The following TXNDC11 variants were observed in gnomAD, a reference collection of about 807,000 sequenced individuals.
TXNDC11 encodes the protein thioredoxin domain containing 11.
TXNDC11 carries 68 observed loss-of-function variants against 78.0 expected under a neutral mutation model. The ratio of observed to expected loss-of-function variants is 0.87; its 90% CI spans 0.72 to 1.07. The LOEUF is 1.07. Ranked by LOEUF, TXNDC11 falls within the 50% of genes least tolerant of loss-of-function variation. The probability of loss-of-function intolerance (pLI) is 0.00; values close to 1 mark genes in which losing one functional copy is unlikely to be tolerated. For synonymous variants in TXNDC11, 571 were observed against 495.2 expected (o/e 1.15, Z -2.03); for missense variants, 1,389 against 1,221.8 (o/e 1.14, Z -2.04).
Position 11,721,633 on chromosome 16 carries a change from G to A in TXNDC11, c.737C>T (p.Pro246Leu), listed in dbSNP as rs140205766. The A allele has an allele frequency of 1.9e-5, 31 of 1,612,466 alleles. No individual in the cohort carries two copies. The African/African-American group carries it at 3.7e-4, about 19-fold the overall frequency. Reference protein sequence around the residue: ...VLGYFEFSGSPQPPGYLTFFT... With the variant: ...VLGYFEFSGSLQPPGYLTFFT... ...GAAGGTCAAATAACCAGGAGGCTGGGGTGAGCCACTGAACTCAAAGTACCC... is the reference window on the plus strand; with the variant it reads ...GAAGGTCAAATAACCAGGAGGCTGGAGTGAGCCACTGAACTCAAAGTACCC... Residue 246 changes from proline (P) to leucine (L), a missense_variant, in exon 5 of 12, where the codon CCC becomes CTC. Physicochemically the swap from Pro to Leu is moderately conservative, Grantham distance 98. Transcript: ENST00000283033.
intron 4 of TXNDC11, among the ~76,000 whole-genome samples, chr16:11,722,171 T>C (rs2141090836): frequency 6.6e-6 from 1 of 152,298 alleles, no homozygotes; most frequent in African/African-American, 2.4e-5. Flanking sequence ...TCTTCACCTG[T>C]AATCAAGCCC....
At chr16:11,706,691 T>TCC (rs953838714) in intron 5 of TXNDC11, among the ~76,000 whole-genome samples, 11 of 152,164 alleles carry the variant, frequency 7.2e-5, no homozygotes, top group African/African-American at 2.7e-4. Context: ...TTCTTGTGCC[T>TCC]CCCGTGCACC....
At position 11,679,311 on chromosome 16, in the gene TXNDC11, G is replaced by T; in HGVS notation, c.2761C>A (p.His921Asn). The change falls in exon 12 of 12, where the codon CAC becomes AAC. Residue 921 changes from histidine (H) to asparagine (N), a missense_variant. Transcript: ENST00000283033. The surrounding 1 kb of genome is among the most constrained non-coding windows in gnomAD (Gnocchi z 4.6). ...GCTGAGGGCTCAGGCTGCTTGGGGT[G>T]GACCTCTCTCTGGGCCGCCAGGCTT... ...AESLAAQREV[H>N]PKQPEPSATP... is the part of the protein sequence containing the mutation. 6.2e-7 allele frequency: 1 copy of T among 1,612,758 alleles called. No homozygotes were observed. Among genetic ancestry groups the T allele is most frequent in the Non-Finnish European group, 8.5e-7 (1 of 1,179,810 alleles).
At chr16:11,701,105 G>C (rs1456900402) in intron 5 of TXNDC11, among the ~76,000 whole-genome samples, 3 of 136,540 alleles carry the variant, frequency 2.2e-5, no homozygotes, top group African/African-American at 8.1e-5. Flanking sequence ...CATTTATTTA[G>C]ATTTCCTTTG....
rs2050743300 is a variant in TXNDC11, at chr16:11,692,278, T to A, written c.1108-196A>T. ...CGCTCTGAGTAGTGTGATGAAATTT[T>A]TGCCATTACAAAAACTGCGAGCCAT... is the stretch of plus-strand genomic sequence containing the variant. On this transcript the variant is annotated intron_variant, in intron 7 of 11. Transcript: ENST00000283033. 7.7e-6 allele frequency: 4 copies of A among 520,210 alleles called. No individual in the cohort carries two copies. In the East Asian group the frequency reaches 1.2e-4, roughly 16 times the overall value. 32.2% of individuals were successfully genotyped at this position (520,210 alleles called of 1,614,324 possible).
chr16:11,698,394 T>C, intron 6 of TXNDC11, 69 bp from the exon 7 acceptor site: 2 of 1,424,180 alleles, frequency 1.4e-6, no homozygotes, highest in Non-Finnish European at 2.0e-6. Flanking sequence ...GGCACATCAG[T>C]GCTGTTCCAA....
intron 5 of TXNDC11, among the ~76,000 whole-genome samples, chr16:11,705,655 G>A (rs1456005471): frequency 6.6e-6 from 1 of 152,240 alleles, no homozygotes; most frequent in African/African-American, 2.4e-5. Context: ...AGAATGGACA[G>A]TCTGCCCATA....
rs142690912 is a variant in TXNDC11, at chr16:11,713,886, G to A, written c.793+7691C>T. Among the ~76,000 whole-genome samples the A allele has an allele frequency of 5.0e-3, 761 of 152,096 alleles. 11 individuals are homozygous for A. Among genetic ancestry groups the A allele is most frequent in the African/African-American group, 0.018 (729 of 41,494 alleles). ...GATCCTAGAACCCATGCCATTTGCC[G>A]AGAACTGTTAAACTCAATGTCTGGT... On this transcript the variant is annotated intron_variant, in intron 5 of 11. Coordinates refer to ENST00000283033, the MANE Select transcript of TXNDC11 (RefSeq NM_015914.7).
At chr16:11,736,986 G>C (rs1345279302) in intron 1 of TXNDC11, among the ~76,000 whole-genome samples, 1 of 152,090 alleles carries the variant, frequency 6.6e-6, no homozygotes, top group Non-Finnish European at 1.5e-5. Context: ...CCAAGTAGAA[G>C]GGCCCTAGTA....
chr16:11,734,180 C>T, intron 2 of TXNDC11, 101 bp from the exon 3 acceptor site: 1 of 803,090 alleles, frequency 1.2e-6, no homozygotes, highest in Non-Finnish European at 2.1e-6. Flanking sequence ...TCCTCTCTCA[C>T]TGAAACAGAA....
intron 8 of TXNDC11, 118 bp downstream of exon 8, chr16:11,691,172 T>G: frequency 4.7e-5 from 39 of 829,246 alleles, no homozygotes; most frequent in Non-Finnish European, 6.6e-5. Context: ...AGACTTAAAA[T>G]GAGCTACGAA....
In TXNDC11 at chr16:11,687,803, A is replaced by G. The variant is rs1421668314; in HGVS notation, c.2153+54T>C. 9 of 1,224,952 alleles carry G rather than the reference A, an allele frequency of 7.3e-6. No individual in the cohort carries two copies. In the Admixed American group the frequency reaches 1.1e-4, roughly 15 times the overall value. The allele number at this position is 1,224,952 out of a possible 1,614,324, so 75.9% of individuals were successfully genotyped here. A position where few individuals can be genotyped will look rare whatever the true frequency, so the allele number is the denominator to read the frequency against. Reference sequence around the variant, plus strand: ...CACACACCATATGGCTAAGCTGCAAATAAGAGTGAAAATGGGCATACAGCC... The same window carrying G: ...CACACACCATATGGCTAAGCTGCAAGTAAGAGTGAAAATGGGCATACAGCC... On this transcript the variant is annotated intron_variant, in intron 10 of 11. Transcript: ENST00000283033.
intron 1 of TXNDC11, among the ~76,000 whole-genome samples, chr16:11,740,965 T>C (rs8055462): frequency 0.48 from 73,190 of 151,900 alleles, 17,925 homozygotes; most frequent in Middle Eastern, 0.56. Context: ...TCTGAAGCCA[T>C]TGTAGTTGTT....
At chr16:11,737,467 G>GT (rs911322901) in intron 1 of TXNDC11, among the ~76,000 whole-genome samples, 2 of 150,822 alleles carry the variant, frequency 1.3e-5, no homozygotes, top group African/African-American at 2.4e-5. Flanking sequence ...AAGAAAGAAA[G>GT]TAAGTAAAGG....
intron 3 of TXNDC11, 100 bp from the exon 4 acceptor site, chr16:11,730,874 A>T (rs983690187): frequency 2.1e-6 from 2 of 934,562 alleles, no homozygotes; most frequent in Middle Eastern, 3.6e-4. Flanking sequence ...CCACAAAATG[A>T]AAGTGTCTTG....
At chr16:11,740,047 G>T (rs905004438) in intron 1 of TXNDC11, among the ~76,000 whole-genome samples, 1 of 151,526 alleles carries the variant, frequency 6.6e-6, no homozygotes, top group Admixed American at 6.6e-5. Flanking sequence ...ACAAAAATCA[G>T]CTGGGCATGG....
chr16:11,693,371 ACT>A (rs1198017924), intron 7 of TXNDC11, among the ~76,000 whole-genome samples: 1 of 152,154 alleles, frequency 6.6e-6, no homozygotes, highest in Non-Finnish European at 1.5e-5. Context: ...AAAGGCATTT[ACT>A]CTCTAAAACA....
intron 8 of TXNDC11, among the ~76,000 whole-genome samples, chr16:11,689,512 T>C (rs758545158): frequency 6.6e-6 from 1 of 152,304 alleles, no homozygotes; most frequent in Admixed American, 6.5e-5. Context: ...AAACCAACAA[T>C]GACACACAGT....
intron 4 of TXNDC11, among the ~76,000 whole-genome samples, chr16:11,724,995 T>C (rs1445858062): frequency 1.3e-5 from 2 of 152,176 alleles, no homozygotes; most frequent in South Asian, 4.1e-4. Context: ...TCTGCCCGCC[T>C]CGGCCTCCCA....
Sources: allele counts gnomAD v4.1 joint callset (sites outside exome capture counted in the v4.1 genomes callset), GRCh38; gene constraint gnomAD v4.1.1; non-coding constraint Gnocchi (gnomAD v3.1); transcripts MANE v1.5; gene names NCBI Gene and HGNC (gene_info 2026-07-23, HGNC 2026-07-21).